IL1RAPL2: variants seen among roughly 807,000 people sequenced by gnomAD.
IL1RAPL2 encodes the protein X-linked interleukin-1 receptor accessory protein-like 2.
In IL1RAPL2, 3 loss-of-function variants were observed where a neutral mutation model predicts 44.1. The observed-to-expected ratio is 0.07, with a 90% confidence interval of 0.03 to 0.18. The LOEUF (loss-of-function observed/expected upper bound fraction) is 0.18, where lower values mean the gene tolerates loss of function less well. Ranked by LOEUF, IL1RAPL2 falls within the 10% of genes least tolerant of loss-of-function variation. The probability of loss-of-function intolerance (pLI) is 1.00; values close to 1 mark genes in which losing one functional copy is unlikely to be tolerated. For missense variants in IL1RAPL2, 391 were observed against 496.4 expected, an observed-to-expected ratio of 0.79 and a Z score of 2.02; for synonymous variants, 181 against 178.8, an observed-to-expected ratio of 1.01 and a Z score of -0.10.
chrX:105,376,508 C>T (rs896698474), intron 5 of IL1RAPL2, among the ~76,000 whole-genome samples: 1 of 111,953 alleles, frequency 8.9e-6, no homozygotes, highest in Non-Finnish European at 1.9e-5. Flanking sequence ...TCTGGAGCTT[C>T]TAAGTCTGCT....
At chrX:104,603,814 C>A (rs1320119755) in intron 1 of IL1RAPL2, among the ~76,000 whole-genome samples, 1 of 111,678 alleles carries the variant, frequency 9.0e-6, no homozygotes, top group African/African-American at 3.3e-5. Flanking sequence ...TGTGAAAAGA[C>A]CAAATCTACA....
chrX:105,071,334 T>G (rs1039761743), intron 2 of IL1RAPL2, among the ~76,000 whole-genome samples: 20 of 111,362 alleles, frequency 1.8e-4, no homozygotes, highest in Non-Finnish European at 3.6e-4. Context: ...TAAAATATCT[T>G]TATACCACAA....
At chrX:105,320,773 C>T (rs1390363708) in intron 5 of IL1RAPL2, among the ~76,000 whole-genome samples, 2 of 110,703 alleles carry the variant, frequency 1.8e-5, no homozygotes. Context: ...AGTGTATAAG[C>T]CTGTGAGTGA....
At chrX:104,904,923 T>G (rs1329618968) in intron 2 of IL1RAPL2, among the ~76,000 whole-genome samples, 1 of 111,219 alleles carries the variant, frequency 9.0e-6, no homozygotes, top group Non-Finnish European at 1.9e-5. Context: ...CCACCAACAG[T>G]GTAAAAGTGT....
At chrX:105,156,612 T>C (rs1468206608) in intron 2 of IL1RAPL2, among the ~76,000 whole-genome samples, 1 of 112,541 alleles carries the variant, frequency 8.9e-6, no homozygotes, top group African/African-American at 3.2e-5. Flanking sequence ...TTGTAAACTG[T>C]TTAAAATTTG....
At chrX:105,119,456 C>G (rs747622223) in intron 2 of IL1RAPL2, among the ~76,000 whole-genome samples, 9 of 111,038 alleles carry the variant, frequency 8.1e-5, no homozygotes, top group Non-Finnish European at 7.6e-5. Context: ...CACAGCGGCT[C>G]GATCCTGCAT....
At chrX:105,644,072 T>C (rs1218221863) in intron 6 of IL1RAPL2, among the ~76,000 whole-genome samples, 1 of 110,628 alleles carries the variant, frequency 9.0e-6, no homozygotes, top group Non-Finnish European at 1.9e-5. Flanking sequence ...TTTGTATTTT[T>C]AGTAGAGACA....
intron 6 of IL1RAPL2, among the ~76,000 whole-genome samples, chrX:105,704,255 A>T (rs1026483244): frequency 1.8e-5 from 2 of 112,251 alleles, no homozygotes; most frequent in East Asian, 2.8e-4. Flanking sequence ...GTTTTAAAAT[A>T]ATCAAATATA....
chrX:104,964,600 C>T (rs776236324), intron 2 of IL1RAPL2, among the ~76,000 whole-genome samples: 188 of 110,358 alleles, frequency 1.7e-3, no homozygotes, highest in Middle Eastern at 0.014. Context: ...CATGAGCCAC[C>T]GTGCCCAGCC....
At chrX:105,527,121 G>T (rs1304082962) in intron 6 of IL1RAPL2, among the ~76,000 whole-genome samples, 2 of 111,262 alleles carry the variant, frequency 1.8e-5, no homozygotes, top group East Asian at 5.6e-4. Context: ...GTTTAACGTG[G>T]TTATTCTATT....
intron 6 of IL1RAPL2, among the ~76,000 whole-genome samples, chrX:105,562,512 A>AACAC (rs55720100): frequency 0.51 from 46,639 of 91,176 alleles, 11,002 homozygotes; most frequent in East Asian, 0.78. Flanking sequence ...ATTGAAAATA[A>AACAC]ACACACACAC....
chrX:105,681,492 G>A (rs753263330), intron 6 of IL1RAPL2, among the ~76,000 whole-genome samples: 5 of 112,345 alleles, frequency 4.5e-5, no homozygotes, highest in Non-Finnish European at 7.5e-5. Flanking sequence ...GCACAGTGGT[G>A]CACGCCTATA....
intron 6 of IL1RAPL2, among the ~76,000 whole-genome samples, chrX:105,573,628 T>G (rs2037030433): frequency 9.0e-6 from 1 of 110,521 alleles, no homozygotes; most frequent in Non-Finnish European, 1.9e-5. Flanking sequence ...GATTTCTGAC[T>G]TAAAAAACCA....
intron 6 of IL1RAPL2, among the ~76,000 whole-genome samples, chrX:105,710,727 T>A (rs1487368034): frequency 2.7e-5 from 3 of 109,872 alleles, no homozygotes; most frequent in African/African-American, 9.9e-5. Flanking sequence ...CTCAGAAAAG[T>A]CAGTTAATTC....
At chrX:104,781,073 T>A (rs755597300) in intron 2 of IL1RAPL2, among the ~76,000 whole-genome samples, 2 of 110,931 alleles carry the variant, frequency 1.8e-5, no homozygotes, top group African/African-American at 3.3e-5. Context: ...AGTTTTATTT[T>A]TTTTTTTGTT....
intron 2 of IL1RAPL2, among the ~76,000 whole-genome samples, chrX:104,846,975 G>T (rs772111019): frequency 9.8e-5 from 11 of 112,270 alleles, no homozygotes; most frequent in Non-Finnish European, 1.3e-4. Flanking sequence ...TCACATGTCT[G>T]TTGGCTGCAT....
intron 2 of IL1RAPL2, among the ~76,000 whole-genome samples, chrX:105,090,188 A>T (rs1467483690): frequency 9.0e-6 from 1 of 111,304 alleles, no homozygotes; most frequent in African/African-American, 3.3e-5. Flanking sequence ...AAACTGGCAT[A>T]AATACAGTTG....
At chrX:105,432,129 C>CTTTTTTTTTTT (rs386417369) in intron 5 of IL1RAPL2, among the ~76,000 whole-genome samples, 112 of 44,766 alleles carry the variant, frequency 2.5e-3, no homozygotes, top group Admixed American at 4.9e-3. Context: ...TTCAATTTGC[C>CTTTTTTTTTTT]TTTTTTTTTT....
At chrX:104,959,362 G>C (rs928164735) in intron 2 of IL1RAPL2, among the ~76,000 whole-genome samples, 6 of 110,258 alleles carry the variant, frequency 5.4e-5, no homozygotes, top group African/African-American at 2.0e-4. Context: ...TAGGTCTACT[G>C]CACGTATTCT....
Sources: allele counts gnomAD v4.1 joint callset (sites outside exome capture counted in the v4.1 genomes callset), GRCh38; gene constraint gnomAD v4.1.1; transcripts MANE v1.5; gene names NCBI Gene and HGNC (gene_info 2026-07-23, HGNC 2026-07-21).